The following THBS2 variants were observed in gnomAD, a reference collection of about 807,000 sequenced individuals.
The protein encoded by THBS2 is thrombospondin-2.
In THBS2, 47 loss-of-function variants were observed where a neutral mutation model predicts 135.2. That is an observed-to-expected ratio of 0.35 (90% CI 0.28 to 0.44). The LOEUF (loss-of-function observed/expected upper bound fraction) is 0.44. Among genes scored for constraint, THBS2 ranks in the 20% least tolerant of loss-of-function variants. THBS2 has a pLI of 1.00. For synonymous variants in THBS2, 639 were observed against 633.8 expected (o/e 1.01, Z -0.12); for missense variants, 1,288 against 1,603.1 (o/e 0.80, Z 3.36).
chr6:169,222,412 G>C lies in THBS2; in HGVS notation c.3058C>G (p.Arg1020Gly). 1 of 1,613,734 alleles carries C rather than the reference G, an allele frequency of 6.2e-7. No homozygotes were observed. The highest frequency in any genetic ancestry group is 8.5e-7 in the Non-Finnish European group (1 of 1,180,020). Residue 1020 changes from arginine (R) to glycine (G), a missense_variant, in exon 19 of 22, where the codon CGG becomes GGG. Arg to Gly is a moderately radical substitution (Grantham distance 125). Around this residue, in one of 2 missense-constraint regions of THBS2, gnomAD observed 874 missense variants for 1,156.1 expected, o/e 0.76. Coordinates refer to ENST00000617924, the MANE Select transcript of THBS2 (RefSeq NM_003247.5). ...ACGAAGCCGGCATAGTCGTCGTCCC[G>C]GTCAGTGTTTACGTAGAATGTGCCA... is the stretch of plus-strand genomic sequence containing the variant. ...FSGTFYVNTD[R>G]DDDYAGFVFG... is the part of the protein sequence containing the mutation.
chr6:169,248,322 C>T lies in THBS2; in HGVS notation c.609+95G>A, dbSNP rs1264836248. The T allele has an allele frequency of 3.5e-6, 5 of 1,417,550 alleles. No individual in the cohort carries two copies. In the Admixed American group the frequency reaches 7.9e-5, roughly 23 times the overall value. The allele number at this position is 1,417,550 out of a possible 1,614,324, so 87.8% of individuals were successfully genotyped here. On this transcript the variant is annotated intron_variant, in intron 3 of 21. Coordinates refer to ENST00000617924, the MANE Select transcript of THBS2 (RefSeq NM_003247.5). ...TGTGCTTCTCTAAGGCCAGGCTCTG[C>T]CTGCTCAAGCATCGCATCACCAGAC... is the stretch of plus-strand genomic sequence containing the variant.
intron 1 of THBS2, among the ~76,000 whole-genome samples, chr6:169,253,166 C>T (rs79321387): frequency 0.018 from 2,708 of 152,158 alleles, 89 homozygotes; most frequent in African/African-American, 0.062. Context: ...ATAATGTTAA[C>T]AATCAGAGTC....
intron 17 of THBS2, among the ~76,000 whole-genome samples, chr6:169,224,269 A>G (rs1182996229): frequency 1.3e-5 from 2 of 152,216 alleles, no homozygotes; most frequent in Non-Finnish European, 2.9e-5. Flanking sequence ...GAAATGCTGA[A>G]ATGCTGCTCT....
chr6:169,223,748 C>T (rs965871784), intron 17 of THBS2, among the ~76,000 whole-genome samples: 3 of 152,280 alleles, frequency 2.0e-5, no homozygotes, highest in South Asian at 4.1e-4. Flanking sequence ...CATTTCTCAC[C>T]GTGTTCCAAA....
intron 16 of THBS2, 134 bp downstream of exon 16, chr6:169,226,046 C>T (rs1448399493): frequency 2.2e-6 from 2 of 921,080 alleles, no homozygotes; most frequent in African/African-American, 1.7e-5. Flanking sequence ...CTGAGACCCG[C>T]CTGCCCATGG....
At chr6:169,228,370 T>G in intron 14 of THBS2, 89 bp from the exon 15 acceptor site, 1 of 1,464,436 alleles carries the variant, frequency 6.8e-7, no homozygotes, top group Non-Finnish European at 9.2e-7. Context: ...TACTCAAGGT[T>G]GATGAAAATC....
chr6:169,243,123 T>TCCCACCTG (rs1780422820), intron 4 of THBS2, among the ~76,000 whole-genome samples: 1 of 117,374 alleles, frequency 8.5e-6, no homozygotes, highest in African/African-American at 3.5e-5. Flanking sequence ...ACTCCTACCT[T>TCCCACCTG]CCCACCTTCC....
At chr6:169,236,145 AC>A (rs1780047627) in intron 9 of THBS2, among the ~76,000 whole-genome samples, 1 of 28,496 alleles carries the variant, frequency 3.5e-5, no homozygotes, top group Non-Finnish European at 7.3e-5. Flanking sequence ...ATCCACACTC[AC>A]TCCCCATCCA....
intron 14 of THBS2, among the ~76,000 whole-genome samples, chr6:169,229,169 A>G (rs773653439): frequency 5.3e-4 from 80 of 152,232 alleles, no homozygotes; most frequent in Non-Finnish European, 9.1e-4. Flanking sequence ...TGTTTTGTGT[A>G]CAAATACATT....
At chr6:169,217,909 C>G in intron 21 of THBS2, 80 bp from the exon 22 acceptor site, 1 of 1,329,052 alleles carries the variant, frequency 7.5e-7, no homozygotes, top group Non-Finnish European at 1.0e-6. Context: ...TTACCTAGAA[C>G]CAGAAATATA....
Position 169,222,294 on chromosome 6 carries a change from C to T in THBS2, c.3176G>A (p.Gly1059Asp). 1 of 1,613,458 alleles carries T rather than the reference C, an allele frequency of 6.2e-7. No individual in the cohort carries two copies. The highest frequency in any genetic ancestry group is 8.5e-7 in the Non-Finnish European group (1 of 1,180,036). ...YWEDQPTRAY[G>D]YSGVSLKVVN... is the part of the protein sequence containing the mutation. ...CACCTTGAGGGACACGCCGGAGTAG[C>T]CATAGGCCCGCGTGGGCTGGTCCTC... is the stretch of plus-strand genomic sequence containing the variant. Residue 1059 changes from glycine to aspartate, a missense_variant, in exon 19 of 22, where the codon GGC becomes GAC. By Grantham distance (94) the Gly-to-Asp change is moderately conservative. This residue lies in a region of THBS2 where 874 missense variants were observed against 1,156.1 expected (regional missense o/e 0.76). Transcript: ENST00000617924.
chr6:169,245,586 A>G (rs181894375), intron 4 of THBS2, among the ~76,000 whole-genome samples: 62 of 152,202 alleles, frequency 4.1e-4, no homozygotes, highest in African/African-American at 1.4e-3. Flanking sequence ...AGGTCAGGAG[A>G]TCGAGACCAT....
intron 21 of THBS2, chr6:169,219,702 A>T (rs1203252645): frequency 4.2e-6 from 2 of 476,682 alleles, no homozygotes; most frequent in Non-Finnish European, 8.4e-6. Flanking sequence ...TATTTACTGC[A>T]TCTGTGGAAG....
In THBS2 at chr6:169,217,729, G is replaced by T; in HGVS notation, c.*93C>A. 1.4e-6 allele frequency: 2 copies of T among 1,430,068 alleles called. No individual in the cohort carries two copies. The highest frequency in any genetic ancestry group is 1.9e-6 in the Non-Finnish European group (2 of 1,036,786). 88.6% of individuals were successfully genotyped at this position (1,430,068 alleles called of 1,614,324 possible). Reference sequence around the variant, plus strand: ...TTAAGGTCAAGGGACAGGAGGTGCTGCTAGAGAGAGAAGCCACAAGGACCA... The same window carrying T: ...TTAAGGTCAAGGGACAGGAGGTGCTTCTAGAGAGAGAAGCCACAAGGACCA... On this transcript the variant is annotated 3_prime_UTR_variant, in exon 22 of 22. Transcript: ENST00000617924.
intron 17 of THBS2, 114 bp from the exon 18 acceptor site, chr6:169,223,589 A>T: frequency 1.2e-6 from 1 of 808,076 alleles, no homozygotes; most frequent in Non-Finnish European, 2.0e-6. Context: ...TCTTTCCCAG[A>T]ACATCTAAGA....
chr6:169,232,351 G>A (rs1325759723), intron 12 of THBS2, among the ~76,000 whole-genome samples, 153 bp from the exon 13 acceptor site: 5 of 152,200 alleles, frequency 3.3e-5, no homozygotes, highest in Non-Finnish European at 7.3e-5. Flanking sequence ...ACGCACTTGA[G>A]GTGCTGTTCG....
chr6:169,232,337 G>A, intron 12 of THBS2, 139 bp from the exon 13 acceptor site: 2 of 964,406 alleles, frequency 2.1e-6, no homozygotes, highest in Non-Finnish European at 3.1e-6. Flanking sequence ...AGGGCTTTCT[G>A]GACACGCACT....
In THBS2 at chr6:169,248,357, G is replaced by C. The variant is rs898558804; in HGVS notation, c.609+60C>G. 44 of 1,530,922 alleles carry C rather than the reference G, an allele frequency of 2.9e-5. No homozygotes were observed. The South Asian group carries it at 4.8e-4, about 17-fold the overall frequency. The allele number at this position is 1,530,922 out of a possible 1,614,324, so 94.8% of individuals were successfully genotyped here. A position where few individuals can be genotyped will look rare whatever the true frequency, so the allele number is the denominator to read the frequency against. ...CATCGCATCACCAGACGCATTAGCA[G>C]ATCAGTTCCCAGCTAAGCTCTTTCC... On this transcript the variant is annotated intron_variant, in intron 3 of 21. Coordinates refer to ENST00000617924, the MANE Select transcript of THBS2 (RefSeq NM_003247.5).
chr6:169,248,459 C>T lies in THBS2; in HGVS notation c.567G>A (p.Arg189=). 1 of 1,612,518 alleles carries T rather than the reference C, an allele frequency of 6.2e-7. No individual in the cohort carries two copies. The highest frequency in any genetic ancestry group is 8.5e-7 in the Non-Finnish European group (1 of 1,178,726). ...TGGCAGAGCCTTTGGCCACGTACAT[C>T]CGGCTCTTTTCCGCCTGCAGGTGCT... The part of the protein sequence containing the change: ...FYEHLQAEKS[R]MYVAKGSARE... The change falls in exon 3 of 22, where the codon CGG becomes CGA. Residue 189 remains arginine, a synonymous_variant. Transcript: ENST00000617924.
Sources: allele counts gnomAD v4.1 joint callset (sites outside exome capture counted in the v4.1 genomes callset), GRCh38; gene constraint gnomAD v4.1.1; regional missense constraint gnomAD v4.1.1; transcripts MANE v1.5; gene names NCBI Gene and HGNC (gene_info 2026-07-23, HGNC 2026-07-21).